Variants in ZFHX3 observed in about 807,000 individuals in gnomAD.
The protein encoded by ZFHX3 is zinc finger homeobox 3.
Under a neutral mutation model 279.1 loss-of-function variants are expected in ZFHX3, and 42 were observed. The ratio of observed to expected loss-of-function variants is 0.15; its 90% CI spans 0.12 to 0.19. The LOEUF (loss-of-function observed/expected upper bound fraction) is 0.19, where lower values mean the gene tolerates loss of function less well. Among genes scored for constraint, ZFHX3 ranks in the 10% least tolerant of loss-of-function variants. The pLI is 1.00. For missense variants in ZFHX3, 4,981 were observed against 4,754.0 expected (o/e 1.05, Z -1.40); for synonymous variants, 2,293 against 1,957.8 (o/e 1.17, Z -4.52).
At chr16:73,574,154 C>A (rs1292517205) in intron 2 of ZFHX3, among the ~76,000 whole-genome samples, 1 of 152,148 alleles carries the variant, frequency 6.6e-6, no homozygotes, top group African/African-American at 2.4e-5. Flanking sequence ...GGCTAAAGTA[C>A]AATGAGACTG....
chr16:72,881,371 G>A (rs1358345768), intron 4 of ZFHX3, among the ~76,000 whole-genome samples: 1 of 145,888 alleles, frequency 6.9e-6, no homozygotes, highest in African/African-American at 2.5e-5. Context: ...ACTTTCCACT[G>A]CTCGTCAATG....
At chr16:73,644,894 A>C (rs2052604804) in intron 2 of ZFHX3, among the ~76,000 whole-genome samples, 1 of 152,178 alleles carries the variant, frequency 6.6e-6, no homozygotes, top group Non-Finnish European at 1.5e-5. Context: ...CAACATATTT[A>C]ATGTTGTTCT....
At chr16:73,008,331 T>A (rs968644107) in intron 1 of ZFHX3, among the ~76,000 whole-genome samples, 1 of 152,222 alleles carries the variant, frequency 6.6e-6, no homozygotes, top group Admixed American at 6.5e-5. Flanking sequence ...AAGTGTGATT[T>A]AGGAGAATAT....
At chr16:73,675,237 G>A (rs1168580359) in intron 2 of ZFHX3, among the ~76,000 whole-genome samples, 1 of 152,126 alleles carries the variant, frequency 6.6e-6, no homozygotes, top group East Asian at 1.9e-4. Context: ...ACAAGGCATG[G>A]GAGGGGGACC....
At chr16:72,897,205 C>T (rs774813327) in intron 3 of ZFHX3, among the ~76,000 whole-genome samples, 1 of 152,180 alleles carries the variant, frequency 6.6e-6, no homozygotes, top group Non-Finnish European at 1.5e-5. Context: ...TTACAGCACC[C>T]CTGTCCAGGG....
At chr16:73,129,708 ATGTGTATG>A (rs1567396416) in intron 7 of ZFHX3, among the ~76,000 whole-genome samples, 3 of 126,860 alleles carry the variant, frequency 2.4e-5, no homozygotes, top group African/African-American at 9.0e-5. Context: ...ATGTGTGTGC[ATGTGTATG>A]TGTGTGTGTG....
intron 5 of ZFHX3, chr16:72,829,576 T>C (rs1423035874): frequency 3.4e-6 from 2 of 590,586 alleles, no homozygotes; most frequent in African/African-American, 3.7e-5. Context: ...AAAACTACAG[T>C]ATAATGTAGT....
At chr16:73,170,600 G>A (rs572288449) in intron 5 of ZFHX3, among the ~76,000 whole-genome samples, 3 of 152,204 alleles carry the variant, frequency 2.0e-5, no homozygotes, top group South Asian at 2.1e-4. Flanking sequence ...GGGAAGAAGC[G>A]GACAGAAACA....
At chr16:73,301,176 G>T (rs532532334) in intron 4 of ZFHX3, among the ~76,000 whole-genome samples, 20 of 152,182 alleles carry the variant, frequency 1.3e-4, no homozygotes, top group Non-Finnish European at 2.9e-4. Context: ...CCCTACAGAG[G>T]TTGGTTTAGG....
In ZFHX3 at chr16:73,149,467, C is replaced by T. The variant is rs146336929; in HGVS notation, c.-1103-5636G>A. Among the ~76,000 whole-genome samples the T allele has an allele frequency of 1.8e-3, 276 of 152,196 alleles. 1 individual carries two copies. The highest frequency in any genetic ancestry group is 0.01 in the Middle Eastern group (3 of 294). ...TTATTAGTTAATTAATTCAGTTGGC[C>T]ACTCACTCCACACATCTGTTGTGTG... is the stretch of plus-strand genomic sequence containing the variant. On this transcript the variant is annotated intron_variant, in intron 5 of 17. Coordinates refer to the ZFHX3 transcript ENST00000641206.
intron 1 of ZFHX3, among the ~76,000 whole-genome samples, chr16:73,738,868 A>G (rs984101504): frequency 1.3e-5 from 2 of 152,192 alleles, no homozygotes; most frequent in African/African-American, 4.8e-5. Context: ...GAAGATTACA[A>G]GATGGAAGAA....
intron 2 of ZFHX3, among the ~76,000 whole-genome samples, chr16:73,606,486 CAAAA>C (rs57861119): frequency 3.7e-5 from 5 of 133,780 alleles, no homozygotes; most frequent in Non-Finnish European, 8.1e-5. Context: ...GACTTTGTCT[CAAAA>C]AAAAAAAAAA....
chr16:73,411,426 G>C (rs1221602325), intron 3 of ZFHX3, among the ~76,000 whole-genome samples: 1 of 152,128 alleles, frequency 6.6e-6, no homozygotes. Context: ...TTATCTGTGG[G>C]AATACCTTTC....
At chr16:73,024,002 C>A (rs557005661) in intron 1 of ZFHX3, among the ~76,000 whole-genome samples, 1 of 152,290 alleles carries the variant, frequency 6.6e-6, no homozygotes, top group Admixed American at 6.5e-5. Context: ...GTCCTGGAAA[C>A]AAGGCACGTG....
At chr16:73,523,600 G>A (rs2019642908) in intron 2 of ZFHX3, among the ~76,000 whole-genome samples, 1 of 148,512 alleles carries the variant, frequency 6.7e-6, no homozygotes, top group Admixed American at 6.9e-5. Context: ...CTGGGGGTAG[G>A]GGGCAGGGAA....
chr16:73,821,110 C>T (rs1960727262), intron 1 of ZFHX3, among the ~76,000 whole-genome samples: 1 of 152,108 alleles, frequency 6.6e-6, no homozygotes, highest in Non-Finnish European at 1.5e-5. Flanking sequence ...GACACTAAAG[C>T]GTTAATTTTA....
At chr16:73,861,848 A>G (rs529436866) in intron 1 of ZFHX3, among the ~76,000 whole-genome samples, 1 of 152,338 alleles carries the variant, frequency 6.6e-6, no homozygotes, top group Non-Finnish European at 1.5e-5. Context: ...AAGAGGAGGC[A>G]CTAATACCTG....
intron 3 of ZFHX3, among the ~76,000 whole-genome samples, chr16:73,392,416 C>T (rs150214455): frequency 2.3e-4 from 2 of 8,536 alleles, no homozygotes; most frequent in African/African-American, 9.1e-4. Flanking sequence ...GAGACCCTGT[C>T]TCAAAAAAAA....
chr16:73,412,699 G>C (rs556615094), intron 3 of ZFHX3, among the ~76,000 whole-genome samples: 1 of 152,328 alleles, frequency 6.6e-6, no homozygotes, highest in South Asian at 2.1e-4. Flanking sequence ...GCTTTTGTGG[G>C]CTGGCGGGAG....
Sources: allele counts gnomAD v4.1 joint callset (sites outside exome capture counted in the v4.1 genomes callset), GRCh38; gene constraint gnomAD v4.1.1; transcripts MANE v1.5; gene names NCBI Gene and HGNC (gene_info 2026-07-23, HGNC 2026-07-21).